The following SVEP1 variants were observed in gnomAD, a reference collection of about 807,000 sequenced individuals.
SVEP1 encodes the protein sushi, von Willebrand factor type A, EGF and pentraxin domain containing 1, also known as sushi, von Willebrand factor type A, EGF and pentraxin domain-containing protein 1.
In SVEP1, 164 loss-of-function variants were observed where a neutral mutation model predicts 367.3. The observed-to-expected ratio is 0.45, with a 90% CI of 0.39 to 0.51. The LOEUF (loss-of-function observed/expected upper bound fraction) is 0.51, where lower values mean the gene tolerates loss of function less well. SVEP1 is among the 20% of genes least tolerant of loss of function. SVEP1 has a pLI of 0.00. For synonymous variants in SVEP1, 1,666 were observed against 1,611.6 expected (o/e 1.03, Z -0.81); for missense variants, 4,117 against 4,425.3 (o/e 0.93, Z 1.98).
intron 2 of SVEP1, among the ~76,000 whole-genome samples, chr9:110,549,184 T>C (rs193278831): frequency 1.2e-4 from 18 of 152,278 alleles, no homozygotes; most frequent in African/African-American, 4.3e-4. Flanking sequence ...CACTAAGACA[T>C]AAACCTATAT....
intron 40 of SVEP1, among the ~76,000 whole-genome samples, chr9:110,391,554 G>C (rs768044930): frequency 2.0e-5 from 3 of 152,138 alleles, no homozygotes; most frequent in Non-Finnish European, 4.4e-5. Context: ...TTATAGGCGT[G>C]AGCCACCATG....
chr9:110,407,500 C>A lies in SVEP1; in HGVS notation c.8100G>T (p.Gln2700His). The change falls in exon 38 of 48, where the codon CAG (glutamine) becomes CAT (histidine). Residue 2700 changes from glutamine (Q) to histidine (H), a missense_variant. By Grantham distance (24) the Gln-to-His change is conservative. Transcript: ENST00000374469. ...ELLGNPVLIC[Q>H]EDGTWNGSAP... ...CACTGCCATTCCAAGTTCCATCTTC[C>A]TGGCAGATCAGCACAGGGTTCCCCA... 6.2e-7 allele frequency: 1 copy of A among 1,613,964 alleles called. No homozygotes were observed. Among genetic ancestry groups the A allele is most frequent in the Non-Finnish European group, 8.5e-7 (1 of 1,179,874 alleles).
At chr9:110,535,255 A>C (rs1321205715) in intron 3 of SVEP1, among the ~76,000 whole-genome samples, 1 of 152,124 alleles carries the variant, frequency 6.6e-6, no homozygotes, top group Non-Finnish European at 1.5e-5. Context: ...TTATCCCAGC[A>C]CAATTTATTG....
chr9:110,428,649 TTAGA>T (rs1828298616), intron 35 of SVEP1, among the ~76,000 whole-genome samples: 1 of 152,160 alleles, frequency 6.6e-6, no homozygotes, highest in Non-Finnish European at 1.5e-5. Context: ...AGAGTCATAG[TTAGA>T]TAGAATATTT....
chr9:110,402,080 A>G (rs888700304), intron 39 of SVEP1, among the ~76,000 whole-genome samples: 1 of 152,100 alleles, frequency 6.6e-6, no homozygotes, highest in African/African-American at 2.4e-5. Context: ...GGGTATTATA[A>G]CACCAGTAAC....
chr9:110,437,153 CTT>C (rs1056138847), intron 27 of SVEP1, among the ~76,000 whole-genome samples: 8 of 152,244 alleles, frequency 5.3e-5, no homozygotes, highest in South Asian at 2.1e-4. Context: ...CCCGTCTTCT[CTT>C]TGTTTCTGGC....
intron 14 of SVEP1, among the ~76,000 whole-genome samples, chr9:110,475,392 A>G (rs1051150642): frequency 1.3e-5 from 2 of 152,222 alleles, no homozygotes; most frequent in African/African-American, 2.4e-5. Context: ...AGGTGAGGAA[A>G]CTGAGGCACA....
intron 24 of SVEP1, among the ~76,000 whole-genome samples, chr9:110,449,470 G>A (rs189841782): frequency 6.6e-6 from 1 of 152,222 alleles, no homozygotes; most frequent in East Asian, 1.9e-4. Context: ...CTCATCTGAG[G>A]CCAGGAGTTC....
At chr9:110,497,577 A>G (rs904339646) in intron 7 of SVEP1, among the ~76,000 whole-genome samples, 2 of 152,250 alleles carry the variant, frequency 1.3e-5, no homozygotes, top group Non-Finnish European at 2.9e-5. Context: ...TGACTGTGAC[A>G]GGAAGAAACT....
chr9:110,557,223 GC>G (rs1270960996), intron 1 of SVEP1, among the ~76,000 whole-genome samples: 1 of 152,086 alleles, frequency 6.6e-6, no homozygotes, highest in Non-Finnish European at 1.5e-5. Context: ...CTACTTCCAA[GC>G]TTTTCTTCTA....
intron 12 of SVEP1, among the ~76,000 whole-genome samples, chr9:110,480,518 T>A (rs1200280258): frequency 1.3e-5 from 2 of 152,228 alleles, no homozygotes; most frequent in Admixed American, 6.5e-5. Flanking sequence ...TTTAAGATTA[T>A]AGAATAGTTT....
chr9:110,392,374 T>A (rs934005485), intron 40 of SVEP1, among the ~76,000 whole-genome samples: 2 of 151,956 alleles, frequency 1.3e-5, no homozygotes, highest in African/African-American at 4.8e-5. Flanking sequence ...TGACACTGTT[T>A]GTTGGATTTA....
At chr9:110,531,094 G>A (rs972954532) in intron 3 of SVEP1, among the ~76,000 whole-genome samples, 1 of 152,038 alleles carries the variant, frequency 6.6e-6, no homozygotes, top group Admixed American at 6.6e-5. Flanking sequence ...CCAAGTGAAT[G>A]ATAATATGGC....
Position 110,489,705 on chromosome 9 carries a change from C to G in SVEP1, c.1875G>C (p.Thr625=). The G allele has an allele frequency of 6.2e-7, 1 of 1,613,262 alleles. No individual in the cohort carries two copies. Among genetic ancestry groups the G allele is most frequent in the Middle Eastern group, 1.7e-4 (1 of 6,058 alleles). Residue 625 remains threonine, a synonymous_variant, in exon 9 of 48, where the codon ACG becomes ACC. Transcript: ENST00000374469. ...FPIGDVAIVY[T]ATDLSGNQAS... ...CCTGGTTGCCGGATAGGTCAGTTGC[C>G]GTGTATACGATAGCAACATCTCCAA...
chr9:110,491,614 T>TGTGTGTGTGTGC (rs1829367894), intron 8 of SVEP1, among the ~76,000 whole-genome samples: 1 of 151,246 alleles, frequency 6.6e-6, no homozygotes, highest in Admixed American at 6.6e-5. Context: ...TGTGTGTGTG[T>TGTGTGTGTGTGC]GTGCAAATTT....
chr9:110,530,539 G>A (rs577374274), intron 3 of SVEP1, among the ~76,000 whole-genome samples: 5 of 151,972 alleles, frequency 3.3e-5, no homozygotes, highest in Admixed American at 6.6e-5. Flanking sequence ...TTTTGTTTTT[G>A]TTTCTATTTT....
In SVEP1 at chr9:110,367,447, G is replaced by A. The variant is rs545237696; in HGVS notation, c.10695-887C>T. 3.3e-5 allele frequency among the ~76,000 whole-genome samples: 5 copies of A among 152,256 alleles called. No individual in the cohort carries two copies. The South Asian group carries it at 8.3e-4, about 25-fold the overall frequency. On this transcript the variant is annotated intron_variant, in intron 47 of 47. Coordinates refer to ENST00000374469, the MANE Select transcript of SVEP1 (RefSeq NM_153366.4). ...TTCCCAAATTGCTGGGATTACAGGT[G>A]TGAGCCATCACACTCAGCCCAGCAT...
At chr9:110,424,721 C>A (rs1289092607) in intron 36 of SVEP1, among the ~76,000 whole-genome samples, 3 of 152,222 alleles carry the variant, frequency 2.0e-5, no homozygotes, top group Non-Finnish European at 4.4e-5. Flanking sequence ...GTTGCCTAGG[C>A]TGGAGTGCAA....
At chr9:110,518,464 T>C (rs1221243650) in intron 3 of SVEP1, among the ~76,000 whole-genome samples, 1 of 151,682 alleles carries the variant, frequency 6.6e-6, no homozygotes, top group Admixed American at 6.6e-5. Flanking sequence ...AAAGAGAGTA[T>C]TGTCTCAAAT....
Sources: gnomAD v4.1 joint callset for allele counts (sites outside exome capture counted in the v4.1 genomes callset) on GRCh38, gnomAD v4.1.1 for gene constraint, MANE v1.5 for transcripts, NCBI Gene and HGNC (gene_info 2026-07-23, HGNC 2026-07-21) for gene names.